TMEM132D: variants seen among roughly 807,000 people sequenced by gnomAD.
TMEM132D encodes transmembrane protein 132D.
A neutral mutation model predicts 62.3 loss-of-function variants in TMEM132D; 21 were observed. The ratio of observed to expected loss-of-function variants is 0.34; its 90% CI spans 0.24 to 0.49. The LOEUF is 0.49. Among genes scored for constraint, TMEM132D ranks in the 20% least tolerant of loss-of-function variants. The pLI is 0.99. For missense variants in TMEM132D, 1,346 were observed against 1,402.8 expected, an observed-to-expected ratio of 0.96 and a Z score of 0.65; for synonymous variants, 621 against 575.6, an observed-to-expected ratio of 1.08 and a Z score of -1.13.
intron 1 of TMEM132D, among the ~76,000 whole-genome samples, chr12:129,745,099 A>G (rs1466272899): frequency 6.6e-6 from 1 of 152,096 alleles, no homozygotes; most frequent in African/African-American, 2.4e-5. Flanking sequence ...TTCTGCCATG[A>G]TGGTAAGTTT....
At chr12:129,295,359 C>CAGGGAACACT (rs1304021018) in intron 4 of TMEM132D, among the ~76,000 whole-genome samples, 1 of 151,848 alleles carries the variant, frequency 6.6e-6, no homozygotes, top group Non-Finnish European at 1.5e-5. Context: ...GGCTAAACTC[C>CAGGGAACACT]AGGGAACACT....
intron 3 of TMEM132D, among the ~76,000 whole-genome samples, chr12:129,349,434 G>T (rs569236471): frequency 6.6e-6 from 1 of 152,168 alleles, no homozygotes; most frequent in Non-Finnish European, 1.5e-5. Flanking sequence ...ACAACAAACT[G>T]TTAATACCAG....
chr12:129,759,268 T>G (rs986843457), intron 1 of TMEM132D, among the ~76,000 whole-genome samples: 4 of 152,198 alleles, frequency 2.6e-5, no homozygotes, highest in Non-Finnish European at 4.4e-5. Flanking sequence ...CAAGCTCTGT[T>G]ACTACATTGT....
chr12:129,476,155 T>C (rs1403216131), intron 3 of TMEM132D, among the ~76,000 whole-genome samples: 1 of 152,152 alleles, frequency 6.6e-6, no homozygotes, highest in African/African-American at 2.4e-5. Context: ...ACGCAGCAAA[T>C]GTGGCAATCA....
chr12:129,658,530 C>A (rs544600233), intron 2 of TMEM132D, among the ~76,000 whole-genome samples: 44 of 152,282 alleles, frequency 2.9e-4, no homozygotes, highest in African/African-American at 1.0e-3. Context: ...TTCAAATTCT[C>A]TGCTACTCTT....
chr12:129,605,954 T>TG (rs1244401835), intron 2 of TMEM132D, among the ~76,000 whole-genome samples: 3 of 152,260 alleles, frequency 2.0e-5, no homozygotes, highest in African/African-American at 7.2e-5. Context: ...CCTGCTGTAC[T>TG]GTGGCCTCCA....
At chr12:129,408,326 C>T (rs891620779) in intron 3 of TMEM132D, among the ~76,000 whole-genome samples, 2 of 151,940 alleles carry the variant, frequency 1.3e-5, no homozygotes, top group Non-Finnish European at 1.5e-5. Context: ...TTCTGAAAAC[C>T]CTGCTAGAAT....
intron 3 of TMEM132D, among the ~76,000 whole-genome samples, chr12:129,472,934 G>A (rs1048670438): frequency 3.3e-5 from 5 of 151,720 alleles, no homozygotes; most frequent in African/African-American, 7.3e-5. Flanking sequence ...GCCTGATCTC[G>A]GCTCACTGCA....
intron 1 of TMEM132D, among the ~76,000 whole-genome samples, chr12:129,808,804 A>T (rs1462899641): frequency 1.4e-5 from 2 of 147,138 alleles, no homozygotes; most frequent in Non-Finnish European, 3.0e-5. Flanking sequence ...TAAGCAATAA[A>T]GTTGAGTGAA....
intron 3 of TMEM132D, among the ~76,000 whole-genome samples, chr12:129,478,886 GC>G (rs1874348007): frequency 6.6e-6 from 1 of 152,156 alleles, no homozygotes; most frequent in African/African-American, 2.4e-5. Flanking sequence ...TTGGCATTTT[GC>G]CCCTCCAAAC....
chr12:129,515,438 T>G (rs1253421629), intron 3 of TMEM132D, among the ~76,000 whole-genome samples: 6 of 152,206 alleles, frequency 3.9e-5, no homozygotes. Flanking sequence ...CAAACCCTTC[T>G]GGCCTTATAA....
chr12:129,855,351 G>C (rs1252522042), intron 1 of TMEM132D, among the ~76,000 whole-genome samples: 1 of 48,560 alleles, frequency 2.1e-5, no homozygotes, highest in African/African-American at 7.3e-5. Context: ...ACAGAGTCCG[G>C]GGGAACGGGA....
At chr12:129,699,748 G>C (rs1262915824) in intron 2 of TMEM132D, 62 bp downstream of exon 2, 2 of 1,575,282 alleles carry the variant, frequency 1.3e-6, no homozygotes, top group African/African-American at 2.7e-5. Context: ...TGGTCAAACA[G>C]CTTCTGGAAA....
chr12:129,472,453 GGAGA>G (rs1874120562), intron 3 of TMEM132D, among the ~76,000 whole-genome samples: 1 of 152,110 alleles, frequency 6.6e-6, no homozygotes, highest in Non-Finnish European at 1.5e-5. Context: ...GGACGGGGAG[GGAGA>G]GAATTAGGAT....
chr12:129,170,072 G>C (rs1304434688), intron 5 of TMEM132D: 2 of 152,210 alleles, frequency 1.3e-5, no homozygotes, highest in African/African-American at 4.8e-5. Context: ...GGGCTTAATT[G>C]GGTCCAGGCA....
chr12:129,473,317 A>AGTTTTT (rs1566081221), intron 3 of TMEM132D, among the ~76,000 whole-genome samples: 36 of 67,738 alleles, frequency 5.3e-4, no homozygotes, highest in African/African-American at 1.4e-3. Flanking sequence ...AAGTGATTTT[A>AGTTTTT]GTTTTTGTTT....
rs28760493 is a variant in TMEM132D at position 129,655,573 on chromosome 12, C to A, written c.968+44237G>T. 7.2e-5 allele frequency among the ~76,000 whole-genome samples: 11 copies of A among 152,006 alleles called. No individual in the cohort carries two copies. In the South Asian group the frequency reaches 1.3e-3, roughly 17 times the overall value. On this transcript the variant is annotated intron_variant, in intron 2 of 8. Coordinates refer to ENST00000422113, the MANE Select transcript of TMEM132D (RefSeq NM_133448.3). ...CTGAATTCCTTTTCTACTTACCCTT[C>A]GTGGGGGCGTTGCAGGGGAGTGCAG...
chr12:129,247,641 C>G (rs1405005892), intron 4 of TMEM132D, among the ~76,000 whole-genome samples: 1 of 152,194 alleles, frequency 6.6e-6, no homozygotes, highest in Non-Finnish European at 1.5e-5. Context: ...ACGAGAGACA[C>G]AGTGTTCTTC....
chr12:129,144,496 C>G (rs1354589804), intron 5 of TMEM132D, among the ~76,000 whole-genome samples: 2 of 152,114 alleles, frequency 1.3e-5, no homozygotes, highest in African/African-American at 4.8e-5. Flanking sequence ...GAGAAGAACT[C>G]AGACACCCAC....
Sources: gnomAD v4.1 joint callset for allele counts (sites outside exome capture counted in the v4.1 genomes callset) on GRCh38, gnomAD v4.1.1 for gene constraint, MANE v1.5 for transcripts, NCBI Gene and HGNC (gene_info 2026-07-23, HGNC 2026-07-21) for gene names.